Variants in LETM2 observed in about 807,000 individuals in gnomAD.
LETM2 encodes leucine zipper and EF-hand containing transmembrane protein 2, also known as LETM1 domain-containing protein LETM2, mitochondrial.
In LETM2, 58 loss-of-function variants were observed where a neutral mutation model predicts 59.6. The observed-to-expected ratio is 0.97, with a 90% confidence interval of 0.79 to 1.21. The LOEUF is 1.21. Among genes scored for constraint, LETM2 ranks in the 50% most tolerant of loss-of-function variants. The probability of loss-of-function intolerance (pLI) is 0.00; values close to 1 mark genes in which losing one functional copy is unlikely to be tolerated. For synonymous variants in LETM2, 199 were observed against 214.1 expected (o/e 0.93, Z 0.62); for missense variants, 572 against 575.7 (o/e 0.99, Z 0.07).
At chr8:38,392,152 T>G (rs937212491) in intron 2 of LETM2, among the ~76,000 whole-genome samples, 4 of 152,116 alleles carry the variant, frequency 2.6e-5, no homozygotes, top group African/African-American at 9.7e-5. Flanking sequence ...TGGCCAGGCA[T>G]GGTGGCTCAT....
chr8:38,392,904 T>G lies in LETM2; in HGVS notation c.410T>G (p.Phe137Cys). 6.2e-7 allele frequency: 1 copy of G among 1,613,768 alleles called. No homozygotes were observed. Among genetic ancestry groups the G allele is most frequent in the Non-Finnish European group, 8.5e-7 (1 of 1,180,032 alleles). The change falls in exon 3 of 11, where the codon TTC becomes TGC. Residue 137 changes from phenylalanine (F) to cysteine (C), a missense_variant. By Grantham distance (205) the Phe-to-Cys change is radical (BLOSUM62 -2). Transcript: ENST00000379957. ...MDELKYYYNG[F>C]YLLWIDAKVA... The stretch of plus-strand genomic sequence containing the variant: ...GAACTAAAATATTATTACAATGGAT[T>G]CTACTTACTTTGGATTGACGCCAAA...
At chr8:38,394,333 C>T in intron 4 of LETM2, 92 bp downstream of exon 4, 1 of 568,232 alleles carries the variant, frequency 1.8e-6, no homozygotes, top group East Asian at 3.0e-5. Context: ...ACTACTTCTC[C>T]CCACCCAACC....
chr8:38,402,611 C>T lies in LETM2; in HGVS notation c.1071C>T (p.Leu357=), dbSNP rs753391404. ...CCCGAGGGATGAGATCACTGGGTCT[C>T]ACGGAGGAACAACTGCGACAACAGC... ...CRARGMRSLG[L]TEEQLRQQLT... is the part of the protein sequence containing the mutation. The change falls in exon 7 of 11, where the codon CTC becomes CTT. Residue 357 remains leucine (L), a synonymous_variant. Transcript: ENST00000379957. 3.4e-5 allele frequency: 55 copies of T among 1,614,016 alleles called. No individual in the cohort carries two copies. The highest frequency in any genetic ancestry group is 4.5e-5 in the Non-Finnish European group (53 of 1,180,004).
At position 38,409,440 on chromosome 8, in the gene LETM2, G is replaced by C. The variant is rs1318380486; in HGVS notation, c.*1166G>C. ...TCCCACTAATGAAGCCCAGTTCTTT[G>C]GGAATGATGAATCCCTACTGTGCAC... On this transcript the variant is annotated 3_prime_UTR_variant, in exon 11 of 11. Transcript: ENST00000379957. The C allele has an allele frequency of 6.6e-6, 1 of 152,174 alleles. No homozygotes were observed. Among genetic ancestry groups the C allele is most frequent in the Non-Finnish European group, 1.5e-5 (1 of 68,036 alleles). The allele number at this position is 152,174 out of a possible 1,614,324, so 9.4% of individuals were successfully genotyped here.
chr8:38,393,116 C>T, intron 3 of LETM2, 121 bp downstream of exon 3: 1 of 817,580 alleles, frequency 1.2e-6, no homozygotes, highest in South Asian at 1.8e-5. Context: ...ATAATAACTG[C>T]TGGTGAGAAC....
At position 38,407,088 on chromosome 8, in the gene LETM2, G is replaced by A. The variant is rs778105380; in HGVS notation, c.1311+50G>A. 3 of 1,117,818 alleles carry A rather than the reference G, an allele frequency of 2.7e-6. No homozygotes were observed. In the African/African-American group the frequency reaches 4.6e-5, roughly 17 times the overall value. The allele number at this position is 1,117,818 out of a possible 1,614,324, so 69.2% of individuals were successfully genotyped here. ...TTAATTAGATTAAAAAATGAAAATA[G>A]CAATGGGTCATTTTCTCCTGTTTTA... is the stretch of plus-strand genomic sequence containing the variant. On this transcript the variant is annotated intron_variant, in intron 9 of 10. Transcript: ENST00000379957.
rs2150463646 is a variant in LETM2, at chr8:38,408,863, G to T, written c.*589G>T. On this transcript the variant is annotated 3_prime_UTR_variant, in exon 11 of 11. Transcript: ENST00000379957. ...TGGCTGCTTCCGACACCTCCATCTT[G>T]GGCCTGCAGAGGCTGCAGCAATCTG... 1 of 152,522 alleles carries T rather than the reference G, an allele frequency of 6.6e-6. No individual in the cohort carries two copies. The highest frequency in any genetic ancestry group is 2.1e-4 in the South Asian group (1 of 4,842). 9.4% of individuals were successfully genotyped at this position (152,522 alleles called of 1,614,324 possible). A position where few individuals can be genotyped will look rare whatever the true frequency, so the allele number is the denominator to read the frequency against.
chr8:38,400,987 T>C lies in LETM2; in HGVS notation c.918T>C (p.Phe306=). ...GCAAACTGCTGGAATTGCAGACATT[T>C]GGAACCAACAACCTGCTCCGCTTTC... ...ALCKLLELQT[F]GTNNLLRFQL... Residue 306 remains phenylalanine, a synonymous_variant, in exon 6 of 11, where the codon TTT becomes TTC. Coordinates refer to ENST00000379957, the MANE Select transcript of LETM2 (RefSeq NM_001286819.2). 1 of 1,614,170 alleles carries C rather than the reference T, an allele frequency of 6.2e-7. No homozygotes were observed. The highest frequency in any genetic ancestry group is 1.1e-5 in the South Asian group (1 of 91,086).
At chr8:38,394,058 C>T (rs1388275307) in intron 3 of LETM2, 40 bp from the exon 4 acceptor site, 1 of 1,362,928 alleles carries the variant, frequency 7.3e-7, no homozygotes, top group Non-Finnish European at 9.5e-7. Flanking sequence ...TTTGGCATGC[C>T]CTAAAATAAT....
At chr8:38,389,920 A>G (rs908745891) in intron 2 of LETM2, among the ~76,000 whole-genome samples, 1 of 148,088 alleles carries the variant, frequency 6.8e-6, no homozygotes, top group African/African-American at 2.5e-5. Flanking sequence ...AATCGCTTGA[A>G]CCTGGGAGGT....
upstream of LETM2, chr8:38,382,974 C>G (rs1270404610): frequency 1.3e-5 from 2 of 152,162 alleles, no homozygotes; most frequent in Non-Finnish European, 2.9e-5. This position sits in a 1 kb window ranked among gnomAD's most constrained non-coding sequence, Gnocchi z 4.2. Context: ...CAGGCGCCGG[C>G]CCCGCGCGCC....
intron 4 of LETM2, among the ~76,000 whole-genome samples, chr8:38,396,164 A>AT (rs200309382): frequency 6.7e-6 from 1 of 149,520 alleles, no homozygotes; most frequent in Non-Finnish European, 1.5e-5. Context: ...TTTTTTATTT[A>AT]TTTATTTTTT....
In LETM2 at chr8:38,402,591, G is replaced by A. The variant is rs140730377; in HGVS notation, c.1051G>A (p.Gly351Arg). Residue 351 changes from glycine to arginine, a missense_variant, in exon 7 of 11, where the codon GGG becomes AGG. By Grantham distance (125) the Gly-to-Arg change is moderately radical. Transcript: ENST00000379957. ...SELQAACRAR[G>R]MRSLGLTEEQ... is the part of the protein sequence containing the mutation. ...ACTACAGGCTGCCTGTAGGGCCCGA[G>A]GGATGAGATCACTGGGTCTCACGGA... is the stretch of plus-strand genomic sequence containing the variant. The A allele has an allele frequency of 2.9e-4, 470 of 1,614,046 alleles. No individual in the cohort carries two copies. The African/African-American group carries it at 5.8e-3, about 20-fold the overall frequency.
At chr8:38,407,156 A>C (rs1179606624) in intron 9 of LETM2, 118 bp downstream of exon 9, 2 of 728,546 alleles carry the variant, frequency 2.7e-6, no homozygotes, top group African/African-American at 3.6e-5. Flanking sequence ...AATGTTCCTT[A>C]ATAAGGAATA....
At chr8:38,408,172 T>C in intron 10 of LETM2, 40 bp from the exon 11 acceptor site, 1 of 1,551,644 alleles carries the variant, frequency 6.4e-7, no homozygotes, top group East Asian at 2.3e-5. Context: ...AACTTACACG[T>C]CTGTGACTAA....
chr8:38,401,060 G>A lies in LETM2; in HGVS notation c.984+7G>A. 1.9e-6 allele frequency: 3 copies of A among 1,609,290 alleles called. No homozygotes were observed. Among genetic ancestry groups the A allele is most frequent in the Non-Finnish European group, 2.6e-6 (3 of 1,176,416 alleles). ...TATAAAAGCAGATGATGAAGTAAGAGCTTAACCATAGCTCTAGGGAATTAG... is the reference window on the plus strand; with the variant it reads ...TATAAAAGCAGATGATGAAGTAAGAACTTAACCATAGCTCTAGGGAATTAG... On this transcript the variant is annotated splice_region_variant and intron_variant, in intron 6 of 10. Transcript: ENST00000379957.
At chr8:38,386,061 C>T (rs1161319303), upstream of LETM2, 1 of 152,242 alleles carries the variant, frequency 6.6e-6, no homozygotes, top group African/African-American at 2.4e-5. Flanking sequence ...TTCTGCGACA[C>T]CATCAAATCC....
rs752915294 is a variant in LETM2, at chr8:38,404,447, C to T, written c.1159C>T (p.Arg387Cys). 1.2e-5 allele frequency: 19 copies of T among 1,613,962 alleles called. No individual in the cohort carries two copies. The East Asian group carries it at 3.3e-4, about 28-fold the overall frequency. The change falls in exon 8 of 11, where the codon CGC becomes TGC. Residue 387 changes from arginine (R) to cysteine (C), a missense_variant. Transcript: ENST00000379957. ...CCCTCCTTCCCTTTTGCTCCTGTCCCGCACCTTCTACCTGATAGATGTGAA... is the reference window on the plus strand; with the variant it reads ...CCCTCCTTCCCTTTTGCTCCTGTCCTGCACCTTCTACCTGATAGATGTGAA... ...NVPPSLLLLSRTFYLIDVKPK... is the reference protein window; with the variant it reads ...NVPPSLLLLSCTFYLIDVKPK...
Position 38,392,769 on chromosome 8 carries a change from A to G in LETM2, c.275A>G (p.Gln92Arg), listed in dbSNP as rs997801460. Residue 92 changes from glutamine (Q) to arginine (R), a missense_variant, in exon 3 of 11, where the codon CAG becomes CGG. Gln to Arg is a conservative substitution (Grantham distance 43). Transcript: ENST00000379957. ...CTGCAAGAAGTTCCTGGCAAACCTC[A>G]GCTGGAGCAAGCCACAAAACATCCA... ...CWLQEVPGKP[Q>R]LEQATKHPQV... 3 of 1,614,056 alleles carry G rather than the reference A, an allele frequency of 1.9e-6. No homozygotes were observed. The highest frequency in any genetic ancestry group is 2.7e-5 in the African/African-American group (2 of 74,944).
Sources: allele counts gnomAD v4.1 joint callset (sites outside exome capture counted in the v4.1 genomes callset), GRCh38; gene constraint gnomAD v4.1.1; non-coding constraint Gnocchi (gnomAD v3.1); transcripts MANE v1.5; gene names NCBI Gene and HGNC (gene_info 2026-07-23, HGNC 2026-07-21).